The following SNX13 variants were observed in gnomAD, a reference collection of about 807,000 sequenced individuals.
SNX13 encodes sorting nexin 13.
A neutral mutation model predicts 133.6 loss-of-function variants in SNX13; 45 were observed. The ratio of observed to expected loss-of-function variants is 0.34; its 90% CI spans 0.27 to 0.43. The LOEUF is 0.43. Among genes scored for constraint, SNX13 ranks in the 20% least tolerant of loss-of-function variants. The pLI is 1.00. For missense variants in SNX13, 1,032 were observed against 1,145.1 expected, an observed-to-expected ratio of 0.90 and a Z score of 1.43; for synonymous variants, 414 against 373.9, an observed-to-expected ratio of 1.11 and a Z score of -1.24.
intron 12 of SNX13, among the ~76,000 whole-genome samples, chr7:17,842,108 C>T (rs759091005): frequency 6.6e-6 from 1 of 151,768 alleles, no homozygotes; most frequent in Non-Finnish European, 1.5e-5. Context: ...AAGAAAGGCA[C>T]GAATATAAAC....
At chr7:17,829,512 A>T (rs1788250536) in intron 16 of SNX13, among the ~76,000 whole-genome samples, 1 of 151,482 alleles carries the variant, frequency 6.6e-6, no homozygotes, top group South Asian at 2.1e-4. Flanking sequence ...AAACTTACAA[A>T]AAAAAATTTT....
At position 17,826,096 on chromosome 7, in the gene SNX13, GAAA is replaced by G. The variant is rs752684610; in HGVS notation, c.1636-8_1636-6del. ...ATTTGAAAGGTCATCTAAAGACTGA[GAAA>G]AAAAAATCAGGAAACAAATTTTTAA... On this transcript the variant is annotated splice_polypyrimidine_tract_variant and splice_region_variant and intron_variant, in intron 16 of 25. Transcript: ENST00000428135. The G allele has an allele frequency of 1.4e-6, 2 of 1,460,148 alleles. No individual in the cohort carries two copies. Among genetic ancestry groups the G allele is most frequent in the Non-Finnish European group, 1.8e-6 (2 of 1,101,972 alleles). 90.4% of individuals were successfully genotyped at this position (1,460,148 alleles called of 1,614,324 possible).
At position 17,845,671 on chromosome 7, in the gene SNX13, T is replaced by C. The variant is rs202124601; in HGVS notation, c.1089A>G (p.Ala363=). The change falls in exon 12 of 26, where the codon GCA becomes GCG. Residue 363 remains alanine, a synonymous_variant. Transcript: ENST00000428135. ...CTGTGCAAAGTTTCCCAAAGTTTGCTGCAAGTTTCACAGTATTTATTTCCT... is the reference window on the plus strand; with the variant it reads ...CTGTGCAAAGTTTCCCAAAGTTTGCCGCAAGTTTCACAGTATTTATTTCCT... ...SGKEINTVKL[A]ANFGKLCTVP... is the part of the protein sequence containing the mutation. The C allele has an allele frequency of 5.6e-6, 9 of 1,599,876 alleles. No individual in the cohort carries two copies. In the South Asian group the frequency reaches 1.0e-4, roughly 18 times the overall value.
chr7:17,822,518 A>G (rs1787410421), intron 17 of SNX13, among the ~76,000 whole-genome samples: 1 of 151,676 alleles, frequency 6.6e-6, no homozygotes, highest in Non-Finnish European at 1.5e-5. Context: ...CATACTGTTT[A>G]TTCTTGTCTT....
intron 13 of SNX13, among the ~76,000 whole-genome samples, chr7:17,838,825 T>C (rs1789483568): frequency 1.3e-5 from 2 of 151,824 alleles, no homozygotes; most frequent in Admixed American, 1.3e-4. Flanking sequence ...CCAATACTTT[T>C]AAATGGAGAC....
Position 17,812,304 on chromosome 7 carries a change from G to GA in SNX13, c.2064+2529dup, listed in dbSNP as rs201501345. ...ACAAAGAACTGAAACAAACTTACAAGAAAAAAAACAACCCCATCAGAAAGT... is the reference window on the plus strand; with the variant it reads ...ACAAAGAACTGAAACAAACTTACAAGAAAAAAAAACAACCCCATCAGAAAGT... On this transcript the variant is annotated intron_variant, in intron 20 of 25. Transcript: ENST00000428135. Among the ~76,000 whole-genome samples, 294 of 151,298 alleles carry GA rather than the reference G, an allele frequency of 1.9e-3. 1 individual carries two copies. Among genetic ancestry groups the GA allele is most frequent in the African/African-American group, 6.7e-3 (276 of 41,302 alleles).
chr7:17,912,332 G>C (rs961761593), intron 1 of SNX13, among the ~76,000 whole-genome samples: 1 of 152,068 alleles, frequency 6.6e-6, no homozygotes, highest in African/African-American at 2.4e-5. Flanking sequence ...ACTAAACTGG[G>C]AAAAGGCTGA....
chr7:17,852,529 T>C (rs1391235925), intron 9 of SNX13, among the ~76,000 whole-genome samples: 1 of 152,116 alleles, frequency 6.6e-6, no homozygotes, highest in Admixed American at 6.6e-5. Flanking sequence ...TAAAAGTTTA[T>C]TGGAGGAGTT....
At chr7:17,812,078 A>C (rs1786107895) in intron 20 of SNX13, among the ~76,000 whole-genome samples, 1 of 152,226 alleles carries the variant, frequency 6.6e-6, no homozygotes, top group South Asian at 2.1e-4. Context: ...AATCCAGGAC[A>C]TAGGGATGGG....
At chr7:17,849,572 A>C (rs531403148) in intron 11 of SNX13, among the ~76,000 whole-genome samples, 62 of 152,356 alleles carry the variant, frequency 4.1e-4, no homozygotes, top group African/African-American at 1.3e-3. Flanking sequence ...TTAGAATAAA[A>C]TAAAATTCTT....
At chr7:17,888,422 C>A in intron 5 of SNX13, 1 of 226,602 alleles carries the variant, frequency 4.4e-6, no homozygotes, top group Non-Finnish European at 8.9e-6. Context: ...GAAAGTATTG[C>A]AATAACAGGA....
rs139126850 is a variant in SNX13 at position 17,926,708 on chromosome 7, G to A, written c.12+13576C>T. ...TTGAGATCAGCCTAAGCAACATGGT[G>A]AAACCCCATTTCTACAAAAATACAA... On this transcript the variant is annotated intron_variant, in intron 1 of 25. Coordinates refer to ENST00000428135, the MANE Select transcript of SNX13 (RefSeq NM_015132.5). 5.7e-3 allele frequency among the ~76,000 whole-genome samples: 871 copies of A among 152,184 alleles called. 8 individuals are homozygous for A. The highest frequency in any genetic ancestry group is 8.2e-3 in the Non-Finnish European group (560 of 68,006).
intron 20 of SNX13, among the ~76,000 whole-genome samples, chr7:17,805,260 C>CGT (rs1736631754): frequency 1.0e-5 from 1 of 100,430 alleles, no homozygotes; most frequent in Non-Finnish European, 2.0e-5. Context: ...TGCGTGCGCG[C>CGT]GCGCGCATGC....
At chr7:17,901,726 C>A (rs986602327) in intron 1 of SNX13, among the ~76,000 whole-genome samples, 5 of 152,184 alleles carry the variant, frequency 3.3e-5, no homozygotes, top group African/African-American at 1.2e-4. Context: ...TCCTTCCTAC[C>A]ATCTTCAGTG....
intron 17 of SNX13, among the ~76,000 whole-genome samples, chr7:17,824,960 G>C (rs1787716602): frequency 6.6e-6 from 1 of 151,870 alleles, no homozygotes; most frequent in African/African-American, 2.4e-5. Context: ...AGTAGAGATG[G>C]GGTTTCACCA....
chr7:17,809,619 C>A (rs904861528), intron 20 of SNX13, among the ~76,000 whole-genome samples: 4 of 152,168 alleles, frequency 2.6e-5, no homozygotes, highest in African/African-American at 9.7e-5. Context: ...ACCAAGCGGA[C>A]CTAACAGATA....
intron 20 of SNX13, among the ~76,000 whole-genome samples, chr7:17,809,863 A>C (rs1323521460): frequency 6.6e-6 from 1 of 152,240 alleles, no homozygotes. Flanking sequence ...CCTGCTCTGG[A>C]ATGACCACTG....
rs558016459 is a variant in SNX13 at position 17,924,373 on chromosome 7, T to C, written c.12+15911A>G. On this transcript the variant is annotated intron_variant, in intron 1 of 25. Coordinates refer to ENST00000428135, the MANE Select transcript of SNX13 (RefSeq NM_015132.5). ...GATATACAAATGAAATATGAAGATATACACATGAAAAGGTGCTCTCTAGAG... is the reference window on the plus strand; with the variant it reads ...GATATACAAATGAAATATGAAGATACACACATGAAAAGGTGCTCTCTAGAG... Among the ~76,000 whole-genome samples, 3 of 152,286 alleles carry C rather than the reference T, an allele frequency of 2.0e-5. No individual in the cohort carries two copies. In the South Asian group the frequency reaches 6.2e-4, roughly 32 times the overall value.
At chr7:17,823,447 T>C (rs1408261726) in intron 17 of SNX13, among the ~76,000 whole-genome samples, 2 of 152,168 alleles carry the variant, frequency 1.3e-5, no homozygotes, top group African/African-American at 2.4e-5. Flanking sequence ...TTTTGGTAAA[T>C]TAATAACATA....
Sources: allele counts gnomAD v4.1 joint callset (sites outside exome capture counted in the v4.1 genomes callset), GRCh38; gene constraint gnomAD v4.1.1; transcripts MANE v1.5; gene names NCBI Gene and HGNC (gene_info 2026-07-23, HGNC 2026-07-21).